Variants in SNW1 observed in about 807,000 individuals in gnomAD.
SNW1 encodes the protein SNW domain-containing protein 1.
SNW1 carries 9 observed loss-of-function variants against 75.6 expected under a neutral mutation model. That is an observed-to-expected ratio of 0.12 (90% CI 0.07 to 0.21). SNW1 has a LOEUF of 0.21. SNW1 is among the 10% of genes least tolerant of loss of function. The pLI is 1.00. For missense variants in SNW1, 409 were observed against 670.9 expected (o/e 0.61, Z 4.31); for synonymous variants, 200 against 219.1 (o/e 0.91, Z 0.77).
chr14:77,718,616 C>G (rs963907623), intron 12 of SNW1, 86 bp from the exon 13 acceptor site: 1 of 837,760 alleles, frequency 1.2e-6, no homozygotes, highest in African/African-American at 1.7e-5. Context: ...TAAACCCTTG[C>G]TAATGTACAG....
chr14:77,749,487 A>C (rs1648996219), intron 3 of SNW1, among the ~76,000 whole-genome samples: 1 of 152,180 alleles, frequency 6.6e-6, no homozygotes, highest in Non-Finnish European at 1.5e-5. Context: ...AAAGATAAGA[A>C]AGGCCAGGCA....
intron 2 of SNW1, among the ~76,000 whole-genome samples, chr14:77,754,374 A>T (rs1423753640): frequency 1.3e-5 from 2 of 152,170 alleles, no homozygotes; most frequent in African/African-American, 4.8e-5. Context: ...CAAGCTAGAG[A>T]TAGAAAGAGC....
At chr14:77,761,060 G>A (rs749023022) in intron 1 of SNW1, 54 bp downstream of exon 1, 11 of 1,614,118 alleles carry the variant, frequency 6.8e-6, no homozygotes, top group Non-Finnish European at 9.3e-6. Context: ...GAGAAATGAA[G>A]AAGACTGGTA....
intron 3 of SNW1, among the ~76,000 whole-genome samples, chr14:77,746,419 A>G (rs1014255684): frequency 6.6e-6 from 1 of 151,936 alleles, no homozygotes; most frequent in South Asian, 2.1e-4. Flanking sequence ...TGTTAAGGAA[A>G]TAAGATCGTT....
At chr14:77,747,348 G>A (rs1303645024) in intron 3 of SNW1, among the ~76,000 whole-genome samples, 1 of 152,182 alleles carries the variant, frequency 6.6e-6, no homozygotes, top group African/African-American at 2.4e-5. Flanking sequence ...CCCTGTCTGG[G>A]AAGTGAGGAG....
chr14:77,728,478 A>G (rs1471166175), intron 10 of SNW1, among the ~76,000 whole-genome samples: 2 of 152,186 alleles, frequency 1.3e-5, no homozygotes, highest in Non-Finnish European at 2.9e-5. Context: ...AATAATAATA[A>G]AAAAGTCAGA....
chr14:77,760,380 T>C (rs1470826764), intron 1 of SNW1, among the ~76,000 whole-genome samples: 1 of 152,210 alleles, frequency 6.6e-6, no homozygotes, highest in African/African-American at 2.4e-5. Flanking sequence ...GGAAAGTTTT[T>C]CCACTTAAAA....
intron 11 of SNW1, chr14:77,722,838 CTTTTTTTTTT>C: frequency 3.5e-6 from 1 of 286,672 alleles, no homozygotes; most frequent in South Asian, 2.7e-5. Context: ...TGGTACATAT[CTTTTTTTTTT>C]TTTTTTTTTT....
chr14:77,728,345 G>A (rs2080602213), intron 10 of SNW1, among the ~76,000 whole-genome samples: 1 of 152,108 alleles, frequency 6.6e-6, no homozygotes, highest in Non-Finnish European at 1.5e-5. Flanking sequence ...CAGCTACTTG[G>A]AAGGCTTAGG....
At chr14:77,750,176 G>A (rs61990683) in intron 3 of SNW1, among the ~76,000 whole-genome samples, 12,606 of 152,010 alleles carry the variant, frequency 0.083, 582 homozygotes, top group Non-Finnish European at 0.093. Flanking sequence ...ACTCCAGCCT[G>A]GGCAACAGAA....
intron 1 of SNW1, among the ~76,000 whole-genome samples, chr14:77,759,631 G>C (rs1445943304): frequency 6.6e-6 from 1 of 152,098 alleles, no homozygotes; most frequent in Admixed American, 6.6e-5. Context: ...CTATGACACA[G>C]TGTCTCACAC....
chr14:77,752,767 T>C (rs2080818322), intron 2 of SNW1, among the ~76,000 whole-genome samples: 1 of 152,220 alleles, frequency 6.6e-6, no homozygotes, highest in African/African-American at 2.4e-5. Context: ...AAAGAAAATA[T>C]TCACTTTTAC....
Position 77,746,901 on chromosome 14 carries a change from C to T in SNW1, c.330+4418G>A, listed in dbSNP as rs528345428. On this transcript the variant is annotated intron_variant, in intron 3 of 13. Transcript: ENST00000261531. ...AATTTGGAATTATAGCTCCCCCTCC[C>T]CCTCCCCCCTTCTGTGCACGGTCTC... Among the ~76,000 whole-genome samples the T allele has an allele frequency of 8.6e-5, 13 of 151,062 alleles. No individual in the cohort carries two copies. The South Asian group carries it at 2.7e-3, about 32-fold the overall frequency.
chr14:77,746,917 GCACGGTCTCCCTCTCCCTCTCCCTCTC>G (rs781189130), intron 3 of SNW1, among the ~76,000 whole-genome samples: 55 of 144,964 alleles, frequency 3.8e-4, no homozygotes, highest in South Asian at 6.5e-4. Context: ...CCCCTTCTGT[GCACGGTCTCCCTCTCCCTCTCCCTCTC>G]CACGGTCTCC....
chr14:77,720,286 C>A (rs1266011839), intron 12 of SNW1, among the ~76,000 whole-genome samples: 1 of 152,040 alleles, frequency 6.6e-6, no homozygotes, highest in Non-Finnish European at 1.5e-5. Flanking sequence ...AGGCGTGCAC[C>A]ACCACACCTG....
chr14:77,723,358 T>C, intron 10 of SNW1, 81 bp from the exon 11 acceptor site: 1 of 1,091,102 alleles, frequency 9.2e-7, no homozygotes, highest in African/African-American at 1.6e-5. Context: ...TATATATAAT[T>C]TTTTAAAAAG....
chr14:77,725,947 C>T (rs985844095), intron 10 of SNW1, among the ~76,000 whole-genome samples: 2 of 152,056 alleles, frequency 1.3e-5, no homozygotes, highest in South Asian at 4.1e-4. Context: ...CATTTATAGC[C>T]GATCCATTTA....
intron 8 of SNW1, among the ~76,000 whole-genome samples, chr14:77,734,277 G>A (rs12887606): frequency 0.82 from 124,345 of 152,216 alleles, 50,926 homozygotes; most frequent in South Asian, 0.85. Flanking sequence ...AAGTATCCAA[G>A]CATTTACTCT....
chr14:77,722,832 A>T (rs2080552859), intron 11 of SNW1: 1 of 412,634 alleles, frequency 2.4e-6, no homozygotes, highest in Non-Finnish European at 4.7e-6. Flanking sequence ...CATGATTGGT[A>T]CATATCTTTT....
Sources: allele counts gnomAD v4.1 joint callset (sites outside exome capture counted in the v4.1 genomes callset), GRCh38; gene constraint gnomAD v4.1.1; transcripts MANE v1.5; gene names NCBI Gene and HGNC (gene_info 2026-07-23, HGNC 2026-07-21).